The following ZMYM4 variants were observed in gnomAD, a reference collection of about 807,000 sequenced individuals.
ZMYM4 encodes the protein zinc finger MYM-type containing 4, also known as zinc finger MYM-type protein 4.
A neutral mutation model predicts 183.2 loss-of-function variants in ZMYM4; 31 were observed. The observed-to-expected ratio is 0.17, with a 90% CI of 0.13 to 0.23. The LOEUF is 0.23. Ranked by LOEUF, ZMYM4 falls within the 10% of genes least tolerant of loss-of-function variation. ZMYM4 has a pLI of 1.00. For missense variants in ZMYM4, 1,273 were observed against 1,840.3 expected (o/e 0.69, Z 5.64); for synonymous variants, 592 against 631.2 (o/e 0.94, Z 0.93).
chr1:35,280,881 A>G (rs1640122728), intron 1 of ZMYM4, among the ~76,000 whole-genome samples: 1 of 152,194 alleles, frequency 6.6e-6, no homozygotes, highest in Non-Finnish European at 1.5e-5. Flanking sequence ...AAATGAAGTC[A>G]TATTCTGAGG....
intron 2 of ZMYM4, among the ~76,000 whole-genome samples, chr1:35,354,346 T>TA (rs754785050): frequency 1.3e-5 from 2 of 152,226 alleles, no homozygotes; most frequent in Non-Finnish European, 2.9e-5. Context: ...GATGAACACA[T>TA]ACGCTGTTTT....
At chr1:35,283,937 G>A (rs1286910207) in intron 1 of ZMYM4, among the ~76,000 whole-genome samples, 1 of 151,270 alleles carries the variant, frequency 6.6e-6, no homozygotes, top group Non-Finnish European at 1.5e-5. Context: ...TCACCCTCAC[G>A]ATAGTGGCCT....
chr1:35,387,393 T>C lies in ZMYM4; in HGVS notation c.2113-61T>C, dbSNP rs569185973. Reference sequence around the variant, plus strand: ...CCATTTGTTTTGAAAGTAAGGGAGATAAGGAGTTCCATAAGACAAACCAAA... The same window carrying C: ...CCATTTGTTTTGAAAGTAAGGGAGACAAGGAGTTCCATAAGACAAACCAAA... On this transcript the variant is annotated intron_variant, in intron 12 of 29. Coordinates refer to ENST00000314607, the MANE Select transcript of ZMYM4 (RefSeq NM_005095.3). The C allele has an allele frequency of 1.1e-5, 18 of 1,569,866 alleles. No individual in the cohort carries two copies. The South Asian group carries it at 2.1e-4, about 18-fold the overall frequency.
chr1:35,341,999 A>G lies in ZMYM4; in HGVS notation c.85+16594A>G, dbSNP rs184133765. Among the ~76,000 whole-genome samples, 10 of 152,292 alleles carry G rather than the reference A, an allele frequency of 6.6e-5. No individual in the cohort carries two copies. The East Asian group carries it at 1.9e-3, about 29-fold the overall frequency. On this transcript the variant is annotated intron_variant, in intron 2 of 29. Transcript: ENST00000314607. ...GGAGTTATAGCTTCATTAAATTTTT[A>G]TACAATTAATCACTGAAATCATCTG...
At position 35,387,594 on chromosome 1, in the gene ZMYM4, C is replaced by G; in HGVS notation, c.2253C>G (p.Phe751Leu). Residue 751 changes from phenylalanine (F) to leucine (L), a missense_variant, in exon 13 of 30, where the codon TTC (phenylalanine) becomes TTG (leucine). This residue lies in a region of ZMYM4 where 319 missense variants were observed against 518.1 expected (regional missense o/e 0.62). Coordinates refer to ENST00000314607, the MANE Select transcript of ZMYM4 (RefSeq NM_005095.3). ...GGTTCTCAGGTGCTGACAAGTCATT[C>G]TGTAGTGAAGGTAAAGACAGAAGAT... is the stretch of plus-strand genomic sequence containing the variant. The part of the protein sequence containing the change: ...TVRFSGADKS[F>L]CSEGCKLLYK... 1 of 1,609,428 alleles carries G rather than the reference C, an allele frequency of 6.2e-7. No individual in the cohort carries two copies. Among genetic ancestry groups the G allele is most frequent in the Non-Finnish European group, 8.5e-7 (1 of 1,178,690 alleles).
chr1:35,341,287 G>C (rs1643191365), intron 2 of ZMYM4, among the ~76,000 whole-genome samples: 1 of 151,818 alleles, frequency 6.6e-6, no homozygotes, highest in Admixed American at 6.6e-5. Flanking sequence ...AAAATATTTT[G>C]TTGGACTTCT....
Position 35,420,549 on chromosome 1 carries a change from CCTTTT to C in ZMYM4, c.*873_*877del, listed in dbSNP as rs1260040092. The C allele has an allele frequency of 6.6e-6, 1 of 152,570 alleles. No individual in the cohort carries two copies. Among genetic ancestry groups the C allele is most frequent in the Non-Finnish European group, 1.5e-5 (1 of 68,020 alleles). The allele number at this position is 152,570 out of a possible 1,614,324, so 9.5% of individuals were successfully genotyped here. A position where few individuals can be genotyped will look rare whatever the true frequency, so the allele number is the denominator to read the frequency against. On this transcript the variant is annotated 3_prime_UTR_variant, in exon 30 of 30. Transcript: ENST00000314607. ...TGTGGTACAGAGAAATGGGGGTTCT[CCTTTT>C]ATTTTCATTTTTTTTCCCCAATGGC...
chr1:35,392,116 C>T, intron 15 of ZMYM4, 96 bp from the exon 16 acceptor site: 2 of 1,524,284 alleles, frequency 1.3e-6, no homozygotes, highest in South Asian at 1.2e-5. Flanking sequence ...AGAAATTACT[C>T]AAACCTGAAA....
chr1:35,281,707 TTAAGTG>T lies in ZMYM4; in HGVS notation c.39+12625_39+12630del, dbSNP rs1428312913. Among the ~76,000 whole-genome samples, 68 of 151,740 alleles carry T rather than the reference TTAAGTG, an allele frequency of 4.5e-4. 1 individual carries two copies. The highest frequency in any genetic ancestry group is 1.6e-3 in the African/African-American group (68 of 41,398). On this transcript the variant is annotated intron_variant, in intron 1 of 29. Transcript: ENST00000314607. ...TATAACATTTACCATTTTAACAACT[TTAAGTG>T]TATAATTCAGTGGCATTAAGTACAT...
At chr1:35,299,534 G>A (rs1448762613) in intron 1 of ZMYM4, among the ~76,000 whole-genome samples, 1 of 152,198 alleles carries the variant, frequency 6.6e-6, no homozygotes, top group Admixed American at 6.5e-5. Flanking sequence ...CCCCCAATGA[G>A]AGGCTGAAGT....
At chr1:35,285,094 G>A (rs1190520533) in intron 1 of ZMYM4, among the ~76,000 whole-genome samples, 3 of 151,692 alleles carry the variant, frequency 2.0e-5, no homozygotes, top group Non-Finnish European at 2.9e-5. Flanking sequence ...CTTTGTAGTA[G>A]GTTTGAAATT....
intron 15 of ZMYM4, among the ~76,000 whole-genome samples, chr1:35,390,712 C>A (rs761298750): frequency 6.6e-6 from 1 of 152,126 alleles, no homozygotes; most frequent in Non-Finnish European, 1.5e-5. Flanking sequence ...AAATAGATTT[C>A]TTTGAGAATA....
intron 2 of ZMYM4, among the ~76,000 whole-genome samples, chr1:35,345,126 TG>T (rs1307698006): frequency 6.6e-6 from 1 of 152,212 alleles, no homozygotes; most frequent in African/African-American, 2.4e-5. Context: ...TGAAATGTGA[TG>T]GGTGCAGAAC....
intron 3 of ZMYM4, 147 bp downstream of exon 3, chr1:35,359,593 CAG>C: frequency 1.2e-6 from 1 of 853,196 alleles, no homozygotes; most frequent in Non-Finnish European, 1.7e-6. Context: ...TTGTTCTTTG[CAG>C]AGTGACTGAA....
chr1:35,316,636 A>G (rs1283650330), intron 1 of ZMYM4, among the ~76,000 whole-genome samples: 1 of 152,178 alleles, frequency 6.6e-6, no homozygotes, highest in Non-Finnish European at 1.5e-5. Context: ...TCCCAATTAT[A>G]AACTTATGTG....
intron 1 of ZMYM4, among the ~76,000 whole-genome samples, chr1:35,306,657 A>G (rs1039391393): frequency 2.6e-5 from 4 of 152,182 alleles, no homozygotes; most frequent in African/African-American, 7.2e-5. Context: ...ATAAAGTTCA[A>G]AATCATTCAA....
At chr1:35,280,140 C>G (rs1359367415) in intron 1 of ZMYM4, among the ~76,000 whole-genome samples, 3 of 151,204 alleles carry the variant, frequency 2.0e-5, no homozygotes, top group African/African-American at 7.3e-5. Context: ...GTCTCTCTCT[C>G]TCTCTTTCTT....
At chr1:35,352,482 C>T (rs971914612) in intron 2 of ZMYM4, among the ~76,000 whole-genome samples, 1 of 151,866 alleles carries the variant, frequency 6.6e-6, no homozygotes, top group Admixed American at 6.6e-5. Flanking sequence ...TATCTCTGTT[C>T]CTTCAGTTCC....
At chr1:35,353,984 A>G (rs912215593) in intron 2 of ZMYM4, among the ~76,000 whole-genome samples, 1 of 151,976 alleles carries the variant, frequency 6.6e-6, no homozygotes, top group African/African-American at 2.4e-5. Context: ...CATCTCCACA[A>G]AAAATTAAAA....
Sources: allele counts gnomAD v4.1 joint callset (sites outside exome capture counted in the v4.1 genomes callset), GRCh38; gene constraint gnomAD v4.1.1; regional missense constraint gnomAD v4.1.1; transcripts MANE v1.5; gene names NCBI Gene and HGNC (gene_info 2026-07-23, HGNC 2026-07-21).